Variants in CRYBG3 observed in about 807,000 individuals in gnomAD.
CRYBG3 encodes the protein very large A-kinase anchor protein.
A neutral mutation model predicts 244.2 loss-of-function variants in CRYBG3; 127 were observed. That is an observed-to-expected ratio of 0.52 (90% CI 0.45 to 0.60). The LOEUF is 0.60. CRYBG3 is among the 20% of genes least tolerant of loss of function. The pLI, the probability that CRYBG3 is intolerant of heterozygous loss-of-function variation, is 0.00. For synonymous variants in CRYBG3, 1,132 were observed against 1,195.8 expected (o/e 0.95, Z 1.10); for missense variants, 3,325 against 3,442.5 (o/e 0.97, Z 0.85).
chr3:97,912,948 A>G (rs949217077), intron 16 of CRYBG3, among the ~76,000 whole-genome samples: 4 of 152,150 alleles, frequency 2.6e-5, no homozygotes, highest in African/African-American at 7.2e-5. Context: ...TGGCATCTCT[A>G]TGTATCAAAC....
intron 1 of CRYBG3, among the ~76,000 whole-genome samples, chr3:97,841,867 C>T (rs970050727): frequency 7.2e-5 from 11 of 152,264 alleles, no homozygotes; most frequent in Middle Eastern, 3.4e-3. Flanking sequence ...CTCTGTCCTT[C>T]GCAAGCTCTG....
At chr3:97,839,433 C>A (rs1391107816) in intron 1 of CRYBG3, among the ~76,000 whole-genome samples, 1 of 151,806 alleles carries the variant, frequency 6.6e-6, no homozygotes, top group Non-Finnish European at 1.5e-5. Flanking sequence ...TGAAAATGAC[C>A]TTGTTCTTGT....
Position 97,876,684 on chromosome 3 carries a change from A to G in CRYBG3, c.5490A>G (p.Lys1830=), listed in dbSNP as rs1000878748. The G allele has an allele frequency of 8.1e-7, 1 of 1,239,676 alleles. No individual in the cohort carries two copies. Among genetic ancestry groups the G allele is most frequent in the Non-Finnish European group, 1.0e-6 (1 of 992,898 alleles). The allele number at this position is 1,239,676 out of a possible 1,614,324, so 76.8% of individuals were successfully genotyped here. ...AAAAAGCATGCAAGAGAGATGTTAA[A>G]GAGACTATTGGAGCAACTGTGTCCA... The part of the protein sequence containing the change: ...EMEKACKRDV[K]ETIGATVSTP... The change falls in exon 4 of 22, where the codon AAA becomes AAG. Residue 1830 remains lysine, a synonymous_variant. Coordinates refer to ENST00000389622, the MANE Select transcript of CRYBG3 (RefSeq NM_153605.4).
chr3:97,935,587 T>C (rs1218481387), intron 18 of CRYBG3, among the ~76,000 whole-genome samples: 1 of 152,066 alleles, frequency 6.6e-6, no homozygotes, highest in East Asian at 1.9e-4. Context: ...CCCCACAACT[T>C]ATGCTCAAGT....
At chr3:97,917,599 T>C (rs976809119) in intron 17 of CRYBG3, among the ~76,000 whole-genome samples, 1 of 152,202 alleles carries the variant, frequency 6.6e-6, no homozygotes, top group East Asian at 1.9e-4. Context: ...AAGCCTTAAG[T>C]TGATCAGACC....
chr3:97,835,479 G>A (rs151031108), intron 1 of CRYBG3, among the ~76,000 whole-genome samples: 110 of 152,224 alleles, frequency 7.2e-4, no homozygotes, highest in African/African-American at 2.5e-3. Flanking sequence ...AGGTCCTGGG[G>A]CACAATCATG....
At chr3:97,866,704 G>A (rs1415156986) in intron 3 of CRYBG3, among the ~76,000 whole-genome samples, 1 of 152,114 alleles carries the variant, frequency 6.6e-6, no homozygotes, top group African/African-American at 2.4e-5. Context: ...GATTGGTTAG[G>A]TCAGATTTTT....
chr3:97,853,266 T>G (rs569665966), intron 2 of CRYBG3, among the ~76,000 whole-genome samples: 15 of 152,074 alleles, frequency 9.9e-5, no homozygotes, highest in African/African-American at 3.6e-4. Flanking sequence ...GATGTTTGGT[T>G]TTCCATTCCT....
At chr3:97,855,623 C>T (rs1048150743) in intron 2 of CRYBG3, among the ~76,000 whole-genome samples, 5 of 152,128 alleles carry the variant, frequency 3.3e-5, no homozygotes, top group Non-Finnish European at 5.9e-5. Context: ...AGATTCTTTT[C>T]TATTTTCCTT....
intron 19 of CRYBG3, among the ~76,000 whole-genome samples, chr3:97,940,745 CAG>C: frequency 6.6e-6 from 1 of 152,092 alleles, no homozygotes; most frequent in South Asian, 2.1e-4. Context: ...CATAGCTCCA[CAG>C]TATGTCTTTC....
In CRYBG3 at chr3:97,938,141, C is replaced by A. The variant is rs1432702314; in HGVS notation, c.8505+1233C>A. On this transcript the variant is annotated intron_variant, in intron 19 of 21. Transcript: ENST00000389622. ...ACACTTTCTTGCTTGATTCCAACAACAGTCCTTTGAGGTAGGAATTATTAT... is the reference window on the plus strand; with the variant it reads ...ACACTTTCTTGCTTGATTCCAACAAAAGTCCTTTGAGGTAGGAATTATTAT... Among the ~76,000 whole-genome samples, 3 of 150,612 alleles carry A rather than the reference C, an allele frequency of 2.0e-5. No homozygotes were observed. In the East Asian group the frequency reaches 6.1e-4, roughly 30 times the overall value.
intron 10 of CRYBG3, among the ~76,000 whole-genome samples, chr3:97,892,392 C>T (rs1406139809): frequency 6.6e-6 from 1 of 152,074 alleles, no homozygotes; most frequent in African/African-American, 2.4e-5. Context: ...CCGATTCTTG[C>T]TTCATCTTCA....
chr3:97,843,355 A>G (rs949973852), intron 2 of CRYBG3, 94 bp downstream of exon 2: 3 of 728,752 alleles, frequency 4.1e-6, no homozygotes, highest in Non-Finnish European at 6.6e-6. Context: ...TACATTTCAA[A>G]AAGAACACTG....
rs112596591 is a variant in CRYBG3, at chr3:97,870,530, A to G, written c.648-1312A>G. 5.9e-5 allele frequency among the ~76,000 whole-genome samples: 9 copies of G among 152,194 alleles called. 1 individual carries two copies. Among genetic ancestry groups the G allele is most frequent in the African/African-American group, 2.2e-4 (9 of 41,546 alleles). Reference sequence around the variant, plus strand: ...ATATGTACCACATTTTCTTTATCCAATCTACCATTGATGGACATCTAGGTT... The same window carrying G: ...ATATGTACCACATTTTCTTTATCCAGTCTACCATTGATGGACATCTAGGTT... On this transcript the variant is annotated intron_variant, in intron 3 of 21. Transcript: ENST00000389622.
chr3:97,906,419 C>A (rs1407416824), intron 15 of CRYBG3, among the ~76,000 whole-genome samples: 2 of 99,600 alleles, frequency 2.0e-5, no homozygotes, highest in African/African-American at 3.4e-5. Context: ...CTTTTATTTC[C>A]TTGAGCAGTG....
intron 7 of CRYBG3, among the ~76,000 whole-genome samples, chr3:97,884,836 T>C (rs1222821011): frequency 2.0e-5 from 3 of 152,180 alleles, no homozygotes; most frequent in Non-Finnish European, 4.4e-5. Flanking sequence ...TTTCATTTTT[T>C]AGTGATTACA....
At position 97,875,039 on chromosome 3, in the gene CRYBG3, CAGTT is replaced by C; in HGVS notation, c.3846_3849del (p.Gly1284ArgfsTer11). The C allele has an allele frequency of 6.5e-7, 1 of 1,534,934 alleles. No individual in the cohort carries two copies. The highest frequency in any genetic ancestry group is 8.7e-7 in the Non-Finnish European group (1 of 1,146,490). On this transcript the variant is annotated frameshift_variant, in exon 4 of 22. Transcript: ENST00000389622. LOFTEE classifies it high-confidence loss of function. ...AAAGAGAAGCCCTGTGTTTCACCAA[CAGTT>C]GGTGAGAAGAATCTTCTTGTTGATC...
Position 97,875,722 on chromosome 3 carries a change from G to A in CRYBG3, c.4528G>A (p.Gly1510Arg). 8.1e-7 allele frequency: 1 copy of A among 1,232,062 alleles called. No individual in the cohort carries two copies. The highest frequency in any genetic ancestry group is 1.0e-6 in the Non-Finnish European group (1 of 988,062). 76.3% of individuals were successfully genotyped at this position (1,232,062 alleles called of 1,614,324 possible). A position where few individuals can be genotyped will look rare whatever the true frequency, so the allele number is the denominator to read the frequency against. The change falls in exon 4 of 22, where the codon GGA (glycine) becomes AGA (arginine). Residue 1510 changes from glycine to arginine, a missense_variant. This residue lies in a region of CRYBG3 where 635 missense variants were observed against 771.7 expected (regional missense o/e 0.82). Transcript: ENST00000389622. Reference sequence around the variant, plus strand: ...ATGTATATCTGAAAAAAACTTGCCAGGACACAGTAAAAACACACCTCTTGC... The same window carrying A: ...ATGTATATCTGAAAAAAACTTGCCAAGACACAGTAAAAACACACCTCTTGC... Reference protein sequence around the residue: ...LVCISEKNLPGHSKNTPLAMS... With the variant: ...LVCISEKNLPRHSKNTPLAMS...
At chr3:97,865,547 C>A (rs2039218704) in intron 3 of CRYBG3, among the ~76,000 whole-genome samples, 1 of 152,074 alleles carries the variant, frequency 6.6e-6, no homozygotes, top group Non-Finnish European at 1.5e-5. Context: ...AGAGTTTGTC[C>A]ATCAAGAATA....
Sources: gnomAD v4.1 joint callset for allele counts (sites outside exome capture counted in the v4.1 genomes callset) on GRCh38, gnomAD v4.1.1 for gene constraint, gnomAD v4.1.1 regional missense constraint, MANE v1.5 for transcripts, NCBI Gene and HGNC (gene_info 2026-07-23, HGNC 2026-07-21) for gene names.